Variants in RIOK2 observed in about 807,000 individuals in gnomAD.
RIOK2 encodes RIO kinase 2.
A neutral mutation model predicts 62.4 loss-of-function variants in RIOK2; 46 were observed. The ratio of observed to expected loss-of-function variants is 0.74; its 90% CI spans 0.58 to 0.94. The LOEUF (loss-of-function observed/expected upper bound fraction) is 0.94. RIOK2 is among the 40% of genes least tolerant of loss of function. RIOK2 has a pLI of 0.00. For missense variants in RIOK2, 574 were observed against 658.0 expected (o/e 0.87, Z 1.40); for synonymous variants, 197 against 216.0 (o/e 0.91, Z 0.77).
chr5:97,179,671 G>C (rs1749282042), intron 1 of RIOK2, among the ~76,000 whole-genome samples: 1 of 151,496 alleles, frequency 6.6e-6, no homozygotes, highest in African/African-American at 2.4e-5. Flanking sequence ...AGGGACATGG[G>C]TGAAGCTGGA....
chr5:97,177,317 CATT>C (rs772124849), intron 3 of RIOK2, 26 bp from the exon 4 acceptor site: 27 of 1,570,360 alleles, frequency 1.7e-5, no homozygotes, highest in Non-Finnish European at 2.3e-5. Context: ...CAAAAACAAC[CATT>C]ATTACACGTT....
At chr5:97,178,142 T>C (rs1749221975) in intron 2 of RIOK2, among the ~76,000 whole-genome samples, 1 of 152,178 alleles carries the variant, frequency 6.6e-6, no homozygotes, top group Non-Finnish European at 1.5e-5. Flanking sequence ...TTTTTGTATA[T>C]CTGTTATCCA....
chr5:97,162,569 TGGCTTATCTTTACTTCCAAA>T lies in RIOK2; in HGVS notation c.*472_*491del, dbSNP rs1229466803. The stretch of plus-strand genomic sequence containing the variant: ...ATTAATTAAGCAAATTGTGCATCAC[TGGCTTATCTTTACTTCCAAA>T]GGCTTATCTTTACTTCTAAAGAAAA... On this transcript the variant is annotated 3_prime_UTR_variant, in exon 10 of 10. Transcript: ENST00000283109. 4 of 153,224 alleles carry T rather than the reference TGGCTTATCTTTACTTCCAAA, an allele frequency of 2.6e-5. No homozygotes were observed. Among genetic ancestry groups the T allele is most frequent in the Non-Finnish European group, 5.8e-5 (4 of 68,796 alleles). 9.5% of individuals were successfully genotyped at this position (153,224 alleles called of 1,614,324 possible). A position where few individuals can be genotyped will look rare whatever the true frequency, so the allele number is the denominator to read the frequency against.
chr5:97,181,865 T>C (rs1409119190), intron 1 of RIOK2, among the ~76,000 whole-genome samples: 4 of 152,200 alleles, frequency 2.6e-5, no homozygotes, highest in African/African-American at 9.7e-5. Flanking sequence ...TAGGTTTTCA[T>C]AGAGAAAGTC....
intron 4 of RIOK2, among the ~76,000 whole-genome samples, chr5:97,174,273 A>C (rs1449331366): frequency 6.6e-6 from 1 of 152,186 alleles, no homozygotes; most frequent in Non-Finnish European, 1.5e-5. Context: ...CAAAAAAATT[A>C]GCCAGGCGTG....
At chr5:97,171,679 C>T (rs191482878) in intron 5 of RIOK2, among the ~76,000 whole-genome samples, 4 of 152,298 alleles carry the variant, frequency 2.6e-5, no homozygotes, top group Admixed American at 2.6e-4. Flanking sequence ...CTCTCTCATA[C>T]CATTTCAAAC....
At chr5:97,172,124 G>T (rs1224630590) in intron 5 of RIOK2, among the ~76,000 whole-genome samples, 3 of 151,958 alleles carry the variant, frequency 2.0e-5, no homozygotes, top group Non-Finnish European at 2.9e-5. Flanking sequence ...GTTCCTCAAA[G>T]GTCAATCCTA....
chr5:97,165,019 A>C (rs774342232), intron 9 of RIOK2, 32 bp downstream of exon 9: 1 of 1,390,448 alleles, frequency 7.2e-7, no homozygotes, highest in South Asian at 1.3e-5. Flanking sequence ...GTGATGTAAT[A>C]AACATTCAGT....
chr5:97,183,146 C>T lies in RIOK2; in HGVS notation c.46G>A (p.Asp16Asn), dbSNP rs1394552512. ...CTTACCGCGGTCAAGACCCTGAAGT[C>T]ATCTCGGCTCATGTAACGCAACTTG... ...VAKLRYMSRD[D>N]FRVLTAVEMG... The change falls in exon 1 of 10, where the codon GAC becomes AAC. Residue 16 changes from aspartate to asparagine, a missense_variant. Transcript: ENST00000283109. 1.9e-5 allele frequency: 30 copies of T among 1,613,988 alleles called. No individual in the cohort carries two copies. Among genetic ancestry groups the T allele is most frequent in the Non-Finnish European group, 2.2e-5 (26 of 1,180,006 alleles).
At chr5:97,173,354 A>T in intron 4 of RIOK2, 91 bp from the exon 5 acceptor site, 1 of 754,146 alleles carries the variant, frequency 1.3e-6, no homozygotes, top group Middle Eastern at 3.0e-4. Flanking sequence ...ACAACCAGAA[A>T]AAAAACACAC....
rs1748686792 is a variant in RIOK2, at chr5:97,161,144, T to C, written c.*1917A>G. The C allele has an allele frequency of 6.6e-6, 1 of 152,190 alleles. No individual in the cohort carries two copies. Among genetic ancestry groups the C allele is most frequent in the South Asian group, 2.1e-4 (1 of 4,834 alleles). The allele number at this position is 152,190 out of a possible 1,614,324, so 9.4% of individuals were successfully genotyped here. On this transcript the variant is annotated 3_prime_UTR_variant, in exon 10 of 10. Transcript: ENST00000283109. ...GTCTTCACGACACTGAGGTATACTA[T>C]TAAATGTCCCCATTTTACAAGTAAA...
intron 5 of RIOK2, among the ~76,000 whole-genome samples, chr5:97,172,918 T>C (rs1049919555): frequency 6.6e-6 from 1 of 152,206 alleles, no homozygotes. Flanking sequence ...GGACTTTGTT[T>C]TGTTCACTGC....
At chr5:97,176,270 T>C (rs1231258619) in intron 4 of RIOK2, among the ~76,000 whole-genome samples, 1 of 152,198 alleles carries the variant, frequency 6.6e-6, no homozygotes, top group Non-Finnish European at 1.5e-5. Context: ...ATTGAATGTA[T>C]TCCTTCTAAT....
chr5:97,182,777 T>TG (rs1749453376), intron 1 of RIOK2: 11 of 119,934 alleles, frequency 9.2e-5, no homozygotes, highest in Non-Finnish European at 1.2e-4. Flanking sequence ...TTATCAAATC[T>TG]CGGGGGGGGG....
chr5:97,166,874 G>A, intron 8 of RIOK2: 1 of 981,002 alleles, frequency 1.0e-6, no homozygotes, highest in Non-Finnish European at 1.2e-6. Flanking sequence ...CCTGATCAAT[G>A]TATCCAGAGA....
At position 97,161,876 on chromosome 5, in the gene RIOK2, T is replaced by G. The variant is rs1463013065; in HGVS notation, c.*1185A>C. ...ATGAATACCTGAATTCAAAGATATA[T>G]CTAAAATGCAAAGCAAGGGTATTTA... On this transcript the variant is annotated 3_prime_UTR_variant, in exon 10 of 10. Transcript: ENST00000283109. 1 of 152,212 alleles carries G rather than the reference T, an allele frequency of 6.6e-6. No homozygotes were observed. Among genetic ancestry groups the G allele is most frequent in the Non-Finnish European group, 1.5e-5 (1 of 68,042 alleles). The allele number at this position is 152,212 out of a possible 1,614,324, so 9.4% of individuals were successfully genotyped here.
intron 2 of RIOK2, among the ~76,000 whole-genome samples, chr5:97,178,630 C>T (rs543270513): frequency 4.2e-5 from 6 of 141,420 alleles, no homozygotes; most frequent in East Asian, 2.2e-4. Context: ...GCAGTACCTA[C>T]GTGCTCTTCT....
At chr5:97,181,953 G>C (rs1749424781) in intron 1 of RIOK2, among the ~76,000 whole-genome samples, 1 of 152,204 alleles carries the variant, frequency 6.6e-6, no homozygotes, top group South Asian at 2.1e-4. Context: ...GCATTTGATA[G>C]TTTAATACTT....
At chr5:97,177,646 G>C (rs1749206258) in intron 3 of RIOK2, 86 bp downstream of exon 3, 2 of 834,616 alleles carry the variant, frequency 2.4e-6, no homozygotes, top group East Asian at 2.6e-5. Flanking sequence ...TTAGAAAAAA[G>C]GGAAAATTAA....
Sources: allele counts gnomAD v4.1 joint callset (sites outside exome capture counted in the v4.1 genomes callset), GRCh38; gene constraint gnomAD v4.1.1; transcripts MANE v1.5; gene names NCBI Gene and HGNC (gene_info 2026-07-23, HGNC 2026-07-21).